Variants in RBM6 observed in about 807,000 individuals in gnomAD.
RBM6 encodes the protein RNA binding motif protein 6.
In RBM6, 23 loss-of-function variants were observed where a neutral mutation model predicts 140.4. The ratio of observed to expected loss-of-function variants is 0.16; its 90% confidence interval spans 0.12 to 0.23. The LOEUF is 0.23. RBM6 is among the 10% of genes least tolerant of loss of function. The pLI, the probability that RBM6 is intolerant of heterozygous loss-of-function variation, is 1.00. For synonymous variants in RBM6, 439 were observed against 475.6 expected (o/e 0.92, Z 1.00); for missense variants, 1,139 against 1,386.7 (o/e 0.82, Z 2.84).
At chr3:49,964,373 A>T (rs2084413389) in intron 2 of RBM6, among the ~76,000 whole-genome samples, 1 of 152,186 alleles carries the variant, frequency 6.6e-6, no homozygotes, top group Non-Finnish European at 1.5e-5. Context: ...AATGACAGAG[A>T]TTGGTCTTTA....
chr3:50,002,170 C>G (rs911562581), intron 6 of RBM6, among the ~76,000 whole-genome samples: 2 of 152,106 alleles, frequency 1.3e-5, no homozygotes, highest in Admixed American at 6.6e-5. Flanking sequence ...TCACTGCAAC[C>G]TCCGCCACCC....
At chr3:49,996,624 T>A (rs952759228) in intron 5 of RBM6, among the ~76,000 whole-genome samples, 10 of 152,220 alleles carry the variant, frequency 6.6e-5, no homozygotes, top group Non-Finnish European at 1.2e-4. Flanking sequence ...CTTAGAATGC[T>A]TTCTAATTTG....
At chr3:50,030,246 G>T (rs1476275740) in intron 6 of RBM6, among the ~76,000 whole-genome samples, 2 of 141,944 alleles carry the variant, frequency 1.4e-5, no homozygotes, top group African/African-American at 2.7e-5. Context: ...TCATGCCACT[G>T]CTCTCTAGCC....
intron 6 of RBM6, among the ~76,000 whole-genome samples, chr3:50,003,835 C>A (rs1235689223): frequency 6.6e-6 from 1 of 152,192 alleles, no homozygotes; most frequent in Non-Finnish European, 1.5e-5. Flanking sequence ...CCATTTCTGT[C>A]TAGGAGAAGG....
Position 49,968,091 on chromosome 3 carries a change from T to A in RBM6, c.666T>A (p.Asp222Glu). The change falls in exon 3 of 21, where the codon GAT (aspartate) becomes GAA (glutamate). Residue 222 changes from aspartate to glutamate, a missense_variant. By Grantham distance (45) the Asp-to-Glu change is conservative (BLOSUM62 2). Transcript: ENST00000266022. ...RSDFRNRDVS[D>E]LDFRDKDGTQ... ...ATTTTAGGAATAGAGATGTATCTGA[T>A]TTGGACTTTAGAGACAAAGACGGAA... 4 of 1,614,112 alleles carry A rather than the reference T, an allele frequency of 2.5e-6. No homozygotes were observed. The highest frequency in any genetic ancestry group is 3.4e-6 in the Non-Finnish European group (4 of 1,180,016).
In RBM6 at chr3:50,075,193, T is replaced by C. The variant is rs2090423288; in HGVS notation, c.3117-8T>C. ...AAAAGGAAGTGATGGTGTCTGCTTC[T>C]TTTGCAGTGATCGTAAACTTGTTGA... On this transcript the variant is annotated splice_polypyrimidine_tract_variant and splice_region_variant and intron_variant, in intron 19 of 20. Transcript: ENST00000266022. The C allele has an allele frequency of 1.2e-6, 2 of 1,612,060 alleles. No homozygotes were observed. The highest frequency in any genetic ancestry group is 2.2e-5 in the South Asian group (2 of 90,552).
chr3:50,056,410 T>C (rs1241996176), intron 8 of RBM6, among the ~76,000 whole-genome samples: 1 of 152,058 alleles, frequency 6.6e-6, no homozygotes, highest in Non-Finnish European at 1.5e-5. Context: ...TTCTCCTGCC[T>C]CAGCCTCCCA....
chr3:49,968,924 C>T (rs2084644826), intron 3 of RBM6, among the ~76,000 whole-genome samples, 176 bp downstream of exon 3: 1 of 151,062 alleles, frequency 6.6e-6, no homozygotes, highest in African/African-American at 2.4e-5. Context: ...GGACTGACTA[C>T]AGGCGCCCAC....
At chr3:49,948,177 A>G (rs766652644) in intron 1 of RBM6, among the ~76,000 whole-genome samples, 6 of 152,124 alleles carry the variant, frequency 3.9e-5, no homozygotes, top group Admixed American at 6.6e-5. Flanking sequence ...CTTTATGTCT[A>G]TCTTTATGTC....
chr3:49,943,131 TATTA>T (rs1365328609), intron 1 of RBM6, among the ~76,000 whole-genome samples: 2 of 152,192 alleles, frequency 1.3e-5, no homozygotes, highest in African/African-American at 2.4e-5. Flanking sequence ...ACATTTTGTT[TATTA>T]ATTCATTTGT....
At position 49,994,669 on chromosome 3, in the gene RBM6, GGTGTGT is replaced by G. The variant is rs59949998; in HGVS notation, c.1484-4750_1484-4745del. ...TTTTGTTTGGAGAAAAAGGCTGTGG[GGTGTGT>G]GTGTGTGTGTGTGTGTGTGTTTTCC... On this transcript the variant is annotated intron_variant, in intron 5 of 20. Transcript: ENST00000266022. Among the ~76,000 whole-genome samples, 664 of 148,262 alleles carry G rather than the reference GGTGTGT, an allele frequency of 4.5e-3. 4 individuals are homozygous for G. Among genetic ancestry groups the G allele is most frequent in the South Asian group, 0.028 (127 of 4,618 alleles).
At chr3:49,951,809 A>G (rs1575525854) in intron 1 of RBM6, among the ~76,000 whole-genome samples, 1 of 151,680 alleles carries the variant, frequency 6.6e-6, no homozygotes, top group African/African-American at 2.4e-5. Context: ...TGCAACCTCC[A>G]TCTCCCAGGT....
At chr3:49,962,894 G>A (rs2084345546) in intron 2 of RBM6, 6 of 415,538 alleles carry the variant, frequency 1.4e-5, no homozygotes, top group Admixed American at 4.8e-5. Flanking sequence ...TCAGGAGATC[G>A]AGACCATCCT....
intron 2 of RBM6, among the ~76,000 whole-genome samples, chr3:49,964,425 A>G (rs1035037585): frequency 3.9e-5 from 6 of 152,154 alleles, no homozygotes; most frequent in African/African-American, 1.4e-4. Flanking sequence ...TTTTTCTTTC[A>G]AAATACTAAG....
At chr3:50,031,808 TAAAAA>T (rs948576702) in intron 6 of RBM6, among the ~76,000 whole-genome samples, 6 of 151,864 alleles carry the variant, frequency 4.0e-5, no homozygotes, top group African/African-American at 1.5e-4. Context: ...TAAAATAACA[TAAAAA>T]GAAAAAAATA....
chr3:50,056,406 T>C (rs2089699813), intron 8 of RBM6, among the ~76,000 whole-genome samples: 1 of 152,090 alleles, frequency 6.6e-6, no homozygotes, highest in Non-Finnish European at 1.5e-5. Flanking sequence ...GCCATTCTCC[T>C]GCCTCAGCCT....
chr3:50,032,753 G>A (rs1005202634), intron 6 of RBM6, among the ~76,000 whole-genome samples: 6 of 152,122 alleles, frequency 3.9e-5, no homozygotes, highest in African/African-American at 1.2e-4. Context: ...TTGGGAGGCC[G>A]AGGCAGGTGG....
At chr3:49,983,997 T>A (rs556677980) in intron 5 of RBM6, among the ~76,000 whole-genome samples, 1 of 152,184 alleles carries the variant, frequency 6.6e-6, no homozygotes, top group Admixed American at 6.6e-5. Context: ...TTTATTTTAT[T>A]TTTAAAATTT....
rs34185097 is a variant in RBM6, at chr3:50,019,798, G to GT, written c.1557+20296dup. Among the ~76,000 whole-genome samples, 700 of 147,422 alleles carry GT rather than the reference G, an allele frequency of 4.7e-3. 5 individuals are homozygous for GT. The highest frequency in any genetic ancestry group is 0.016 in the African/African-American group (649 of 40,360). On this transcript the variant is annotated intron_variant, in intron 6 of 20. Transcript: ENST00000266022. ...CCCTCTGTTCCTAGTTTGCTGAGAG[G>GT]TTTTTTTTTTTAAATCATGAAAGGG... is the stretch of plus-strand genomic sequence containing the variant.
Sources: gnomAD v4.1 joint callset for allele counts (sites outside exome capture counted in the v4.1 genomes callset) on GRCh38, gnomAD v4.1.1 for gene constraint, MANE v1.5 for transcripts, NCBI Gene and HGNC (gene_info 2026-07-23, HGNC 2026-07-21) for gene names.